RBFOX1: variants seen among roughly 807,000 people sequenced by gnomAD.
RBFOX1 encodes RNA binding fox-1 homolog 1.
Under a neutral mutation model 57.7 loss-of-function variants are expected in RBFOX1, and 8 were observed. The observed-to-expected ratio is 0.14, with a 90% CI of 0.08 to 0.25. RBFOX1 has a LOEUF of 0.25. RBFOX1 is among the 10% of genes least tolerant of loss of function. The probability of loss-of-function intolerance (pLI) is 1.00; values close to 1 mark genes in which losing one functional copy is unlikely to be tolerated. For missense variants in RBFOX1, 611 were observed against 548.5 expected (o/e 1.11, Z -1.14); for synonymous variants, 326 against 222.4 (o/e 1.47, Z -4.15).
intron 3 of RBFOX1, among the ~76,000 whole-genome samples, chr16:6,888,965 G>T (rs564862636): frequency 1.3e-5 from 2 of 152,268 alleles, no homozygotes; most frequent in Non-Finnish European, 2.9e-5. Flanking sequence ...GGTATGGGCA[G>T]ACACAGCTTT....
At chr16:5,831,523 G>T (rs964967388) in intron 3 of RBFOX1, among the ~76,000 whole-genome samples, 2 of 131,198 alleles carry the variant, frequency 1.5e-5, no homozygotes, top group South Asian at 4.7e-4. Context: ...ATGGAGTTTC[G>T]CTCTTGTCCA....
chr16:5,805,134 C>G (rs2055185341), intron 3 of RBFOX1, among the ~76,000 whole-genome samples: 1 of 151,834 alleles, frequency 6.6e-6, no homozygotes, highest in African/African-American at 2.4e-5. Context: ...GGTCACAGGT[C>G]TTTGAGGAGA....
At chr16:6,062,468 T>C (rs1214021668) in intron 1 of RBFOX1, among the ~76,000 whole-genome samples, 2 of 152,028 alleles carry the variant, frequency 1.3e-5, no homozygotes, top group East Asian at 1.9e-4. Context: ...CCAATGGTTT[T>C]AGAAGCTGTG....
chr16:7,648,499 A>T (rs1597268449), intron 11 of RBFOX1, among the ~76,000 whole-genome samples: 1 of 152,234 alleles, frequency 6.6e-6, no homozygotes, highest in Non-Finnish European at 1.5e-5. Context: ...TTGGGATTAC[A>T]GGTGTGAGAC....
chr16:6,499,077 G>C (rs2095849468), intron 2 of RBFOX1, among the ~76,000 whole-genome samples: 1 of 152,222 alleles, frequency 6.6e-6, no homozygotes, highest in Admixed American at 6.5e-5. Context: ...GCACAACTGT[G>C]TTTATTCAGC....
chr16:6,647,027 G>C (rs1293108549), intron 2 of RBFOX1, among the ~76,000 whole-genome samples: 2 of 152,138 alleles, frequency 1.3e-5, no homozygotes, highest in Non-Finnish European at 2.9e-5. Context: ...CTTCTGAACA[G>C]AACATTTACT....
chr16:5,500,129 C>G (rs981613082), intron 2 of RBFOX1, among the ~76,000 whole-genome samples: 2 of 146,342 alleles, frequency 1.4e-5, no homozygotes, highest in Admixed American at 6.8e-5. Flanking sequence ...TCCTTCCCTC[C>G]TTCCCTCCTT....
At chr16:7,284,554 C>G (rs563266643) in intron 4 of RBFOX1, among the ~76,000 whole-genome samples, 2 of 151,940 alleles carry the variant, frequency 1.3e-5, no homozygotes, top group African/African-American at 4.8e-5. Context: ...TGATCTCGAT[C>G]TCCTGGCCTC....
chr16:6,260,754 A>G lies in RBFOX1; in HGVS notation c.-126-56241A>G, dbSNP rs1425397044. The stretch of plus-strand genomic sequence containing the variant: ...AAATGAGCCAGGCGTGGTTGTGCAC[A>G]CCTGTAATCTCAGCTACTCCAGGGG... On this transcript the variant is annotated intron_variant, in intron 1 of 15. Coordinates refer to ENST00000550418, the MANE Select transcript of RBFOX1 (RefSeq NM_018723.4). 5.9e-5 allele frequency among the ~76,000 whole-genome samples: 9 copies of G among 152,130 alleles called. No individual in the cohort carries two copies. In the East Asian group the frequency reaches 1.7e-3, roughly 30 times the overall value.
chr16:6,982,419 C>T (rs993444903), intron 3 of RBFOX1, among the ~76,000 whole-genome samples: 1 of 152,126 alleles, frequency 6.6e-6, no homozygotes, highest in Non-Finnish European at 1.5e-5. Flanking sequence ...GATCCTGGAG[C>T]ATCAGTCATG....
At chr16:5,659,303 C>CTTTT (rs779525957) in intron 3 of RBFOX1, among the ~76,000 whole-genome samples, 3 of 128,998 alleles carry the variant, frequency 2.3e-5, no homozygotes, top group African/African-American at 8.7e-5. Flanking sequence ...ATTGGTATAT[C>CTTTT]TTTTTTTTTT....
chr16:6,060,579 G>A (rs2095672595), intron 1 of RBFOX1, among the ~76,000 whole-genome samples: 1 of 152,168 alleles, frequency 6.6e-6, no homozygotes, highest in South Asian at 2.1e-4. Context: ...CTTGCTTCAT[G>A]CTTTGCCTAT....
chr16:6,960,653 G>C (rs1376056420), intron 3 of RBFOX1, among the ~76,000 whole-genome samples: 1 of 151,836 alleles, frequency 6.6e-6, no homozygotes, highest in Admixed American at 6.6e-5. Context: ...CTCTGTTCTG[G>C]AGACAGGACA....
At chr16:7,017,540 C>T (rs999375806) in intron 3 of RBFOX1, among the ~76,000 whole-genome samples, 4 of 152,134 alleles carry the variant, frequency 2.6e-5, no homozygotes, top group Admixed American at 6.5e-5. Flanking sequence ...GCCAACGGAA[C>T]AGAGAAAGTA....
chr16:6,392,627 C>CT (rs1292449736), intron 2 of RBFOX1, among the ~76,000 whole-genome samples: 1 of 152,134 alleles, frequency 6.6e-6, no homozygotes, highest in Non-Finnish European at 1.5e-5. Flanking sequence ...ACTGAGGAAC[C>CT]TTTTCCTGGG....
At chr16:5,556,293 T>C (rs898185871) in intron 2 of RBFOX1, among the ~76,000 whole-genome samples, 6 of 152,188 alleles carry the variant, frequency 3.9e-5, no homozygotes, top group African/African-American at 1.4e-4. Flanking sequence ...CAAAGGGATC[T>C]CAGTGTAAAC....
At chr16:7,657,883 A>G (rs2066720882) in intron 12 of RBFOX1, among the ~76,000 whole-genome samples, 1 of 152,238 alleles carries the variant, frequency 6.6e-6, no homozygotes, top group Non-Finnish European at 1.5e-5. Context: ...CTGAAGAGTT[A>G]GAAAGTAATG....
chr16:5,327,273 C>G (rs1219005424), intron 1 of RBFOX1, among the ~76,000 whole-genome samples: 1 of 152,090 alleles, frequency 6.6e-6, no homozygotes, highest in Non-Finnish European at 1.5e-5. Flanking sequence ...GGACCCTGCC[C>G]CATGTCCCTG....
At chr16:5,597,646 C>T (rs992551748) in intron 2 of RBFOX1, among the ~76,000 whole-genome samples, 5 of 151,924 alleles carry the variant, frequency 3.3e-5, no homozygotes, top group African/African-American at 4.8e-5. Context: ...GTGATCTGTC[C>T]GCCTCGGCCT....
Sources: gnomAD v4.1 joint callset for allele counts (sites outside exome capture counted in the v4.1 genomes callset) on GRCh38, gnomAD v4.1.1 for gene constraint, MANE v1.5 for transcripts, NCBI Gene and HGNC (gene_info 2026-07-23, HGNC 2026-07-21) for gene names.